MYT1L: variants seen among roughly 807,000 people sequenced by gnomAD.
MYT1L encodes myelin transcription factor 1-like protein.
In MYT1L, 12 loss-of-function variants were observed where a neutral mutation model predicts 126.7. That is an observed-to-expected ratio of 0.09 (90% CI 0.06 to 0.15). The LOEUF (loss-of-function observed/expected upper bound fraction) is 0.15, where lower values mean the gene tolerates loss of function less well. MYT1L is among the 10% of genes least tolerant of loss of function. The pLI is 1.00. For synonymous variants in MYT1L, 541 were observed against 604.2 expected, an observed-to-expected ratio of 0.90 and a Z score of 1.53; for missense variants, 979 against 1,585.2, an observed-to-expected ratio of 0.62 and a Z score of 6.49.
At chr2:2,256,570 C>A (rs2094818992) in intron 2 of MYT1L, among the ~76,000 whole-genome samples, 1 of 152,260 alleles carries the variant, frequency 6.6e-6, no homozygotes, top group East Asian at 1.9e-4. Flanking sequence ...TGTTTTCCAC[C>A]ATTTCTCTGG....
intron 3 of MYT1L, among the ~76,000 whole-genome samples, chr2:2,084,755 T>C (rs576195062): frequency 1.3e-5 from 2 of 152,338 alleles, no homozygotes; most frequent in Admixed American, 6.5e-5. Context: ...AATGAGTTAT[T>C]TTAGGCAACT....
intron 8 of MYT1L, among the ~76,000 whole-genome samples, chr2:1,970,625 G>A (rs887633066): frequency 2.0e-5 from 3 of 152,190 alleles, no homozygotes; most frequent in African/African-American, 7.2e-5. Context: ...TGTGCTTTGT[G>A]GCTGCGGGGA....
intron 23 of MYT1L, 34 bp from the exon 24 acceptor site, chr2:1,792,498 C>T (rs1434474728): frequency 6.2e-7 from 1 of 1,601,242 alleles, no homozygotes; most frequent in Non-Finnish European, 8.5e-7. Flanking sequence ...CATGTAACAC[C>T]AGGAGGACCT....
In MYT1L at chr2:1,806,003, G is replaced by A. The variant is rs372778724; in HGVS notation, c.3172+3073C>T. 5.7e-5 allele frequency among the ~76,000 whole-genome samples: 8 copies of A among 139,724 alleles called. No individual in the cohort carries two copies. The East Asian group carries it at 9.1e-4, about 16-fold the overall frequency. 91.7% of individuals were successfully genotyped at this position (139,724 alleles called of 152,430 possible). A position where few individuals can be genotyped will look rare whatever the true frequency, so the allele number is the denominator to read the frequency against. On this transcript the variant is annotated intron_variant, in intron 22 of 24. Transcript: ENST00000647738. This position sits in a 1 kb window ranked among gnomAD's most constrained non-coding sequence, Gnocchi z 4.9. ...ATTGGATGCTGTGCCTCTGTCCCCT[G>A]AAGAGCATCAGGAATTGGATGCTGT...
intron 3 of MYT1L, among the ~76,000 whole-genome samples, chr2:2,055,222 C>A (rs540857157): frequency 6.6e-6 from 1 of 152,066 alleles, no homozygotes; most frequent in African/African-American, 2.4e-5. Flanking sequence ...CAGAAGCATA[C>A]GGGATGTATC....
chr2:2,079,761 G>A (rs111755118), intron 3 of MYT1L, among the ~76,000 whole-genome samples: 116 of 151,688 alleles, frequency 7.6e-4, no homozygotes, highest in African/African-American at 2.6e-3. Context: ...GAGCTGAGCC[G>A]AGATTGCGCC....
chr2:2,110,242 TAC>T, intron 3 of MYT1L, among the ~76,000 whole-genome samples: 1 of 152,050 alleles, frequency 6.6e-6, no homozygotes, highest in Non-Finnish European at 1.5e-5. Flanking sequence ...CTTATTCACA[TAC>T]AGTGCTCCAG....
chr2:2,241,374 T>A (rs1157531674), intron 2 of MYT1L, among the ~76,000 whole-genome samples: 1 of 152,056 alleles, frequency 6.6e-6, no homozygotes, highest in Non-Finnish European at 1.5e-5. Context: ...TGAAGTGAAT[T>A]TGCCTTTCTC....
intron 2 of MYT1L, among the ~76,000 whole-genome samples, chr2:2,200,300 C>G (rs1167027022): frequency 1.3e-5 from 2 of 152,164 alleles, no homozygotes; most frequent in African/African-American, 4.8e-5. Flanking sequence ...GAAAATGGCA[C>G]ACAATTACTA....
At chr2:2,199,574 T>C (rs982540626) in intron 2 of MYT1L, among the ~76,000 whole-genome samples, 1 of 152,166 alleles carries the variant, frequency 6.6e-6, no homozygotes, top group Non-Finnish European at 1.5e-5. Context: ...TCCTCGCATT[T>C]GATGGCTCAC....
chr2:2,126,358 G>T (rs1198833516), intron 3 of MYT1L, among the ~76,000 whole-genome samples: 2 of 152,164 alleles, frequency 1.3e-5, no homozygotes, highest in Non-Finnish European at 2.9e-5. Context: ...CAACTGTAAA[G>T]AATGCTTCTA....
At chr2:1,959,663 C>T (rs1329416766) in intron 8 of MYT1L, among the ~76,000 whole-genome samples, 1 of 152,162 alleles carries the variant, frequency 6.6e-6, no homozygotes, top group Admixed American at 6.5e-5. Flanking sequence ...TGGAGCTATG[C>T]CCCCGCTCCA....
chr2:2,158,442 G>A (rs1334891980), intron 3 of MYT1L, among the ~76,000 whole-genome samples: 1 of 152,184 alleles, frequency 6.6e-6, no homozygotes, highest in East Asian at 1.9e-4. Flanking sequence ...AGGCCTGCAG[G>A]GGCCTATCAC....
intron 2 of MYT1L, among the ~76,000 whole-genome samples, chr2:2,254,033 C>T (rs933604926): frequency 5.9e-5 from 9 of 152,036 alleles, no homozygotes; most frequent in East Asian, 1.9e-4. Context: ...TAACTAAAAC[C>T]GAAGGCTCCC....
intron 19 of MYT1L, chr2:1,841,594 G>A (rs916433534): frequency 6.6e-6 from 1 of 152,326 alleles, no homozygotes; most frequent in African/African-American, 2.4e-5. Flanking sequence ...GTGAACGGGA[G>A]AGAAACTGGT....
chr2:2,311,594 C>A (rs2095971653), intron 1 of MYT1L, among the ~76,000 whole-genome samples: 1 of 152,148 alleles, frequency 6.6e-6, no homozygotes, highest in Non-Finnish European at 1.5e-5. Context: ...TCAGGTTGGC[C>A]TCCGTGTGAA....
chr2:2,042,209 C>T (rs1043314764), intron 4 of MYT1L, among the ~76,000 whole-genome samples: 10 of 152,150 alleles, frequency 6.6e-5, no homozygotes, highest in Admixed American at 6.5e-4. Flanking sequence ...TAGGCTGATA[C>T]GAATCTTCTG....
intron 4 of MYT1L, among the ~76,000 whole-genome samples, chr2:2,004,800 G>GCAGGCA (rs2063002164): frequency 2.7e-5 from 2 of 73,776 alleles, no homozygotes; most frequent in Non-Finnish European, 4.8e-5. Flanking sequence ...TCCTGCATGT[G>GCAGGCA]TTCTTTCCTG....
At chr2:1,997,852 G>T (rs1437192723) in intron 4 of MYT1L, among the ~76,000 whole-genome samples, 1 of 152,154 alleles carries the variant, frequency 6.6e-6, no homozygotes, top group East Asian at 1.9e-4. Context: ...AAAATTCATA[G>T]AACTAAAAAC....
Sources: gnomAD v4.1 joint callset for allele counts (sites outside exome capture counted in the v4.1 genomes callset) on GRCh38, gnomAD v4.1.1 for gene constraint, Gnocchi (gnomAD v3.1) non-coding constraint, MANE v1.5 for transcripts, NCBI Gene and HGNC (gene_info 2026-07-23, HGNC 2026-07-21) for gene names.